The following RYR3 variants were observed in gnomAD, a reference collection of about 807,000 sequenced individuals.
RYR3 encodes brain ryanodine receptor-calcium release channel.
RYR3 carries 207 observed loss-of-function variants against 584.3 expected under a neutral mutation model. The ratio of observed to expected loss-of-function variants is 0.35; its 90% CI spans 0.32 to 0.40. RYR3 has a LOEUF of 0.40. RYR3 is among the 10% of genes least tolerant of loss of function. The pLI, the probability that RYR3 is intolerant of heterozygous loss-of-function variation, is 1.00. For synonymous variants in RYR3, 2,416 were observed against 2,248.5 expected (o/e 1.07, Z -2.11); for missense variants, 5,616 against 6,089.2 (o/e 0.92, Z 2.59).
At chr15:33,848,679 T>C (rs1173909923) in intron 94 of RYR3, among the ~76,000 whole-genome samples, 1 of 152,150 alleles carries the variant, frequency 6.6e-6, no homozygotes, top group Non-Finnish European at 1.5e-5. Flanking sequence ...CAGTACAATA[T>C]TGCTTAAACT....
chr15:33,736,262 A>G lies in RYR3; in HGVS notation c.7452A>G (p.Gln2484=). 6.2e-7 allele frequency: 1 copy of G among 1,613,110 alleles called. No homozygotes were observed. ...ACTTGAGGCCTTCCATGTTACAGCA[A>G]CTCCTGCGACGCCTCGTTTTTGATG... ...CNHLRPSMLQ[Q]LLRRLVFDVP... The change falls in exon 49 of 104, where the codon CAA becomes CAG. Residue 2484 remains glutamine, a synonymous_variant. Coordinates refer to ENST00000634891, the MANE Select transcript of RYR3 (RefSeq NM_001036.6).
chr15:33,861,198 AAAAGTAAT>A lies in RYR3; in HGVS notation c.14465+21_14465+28del. The A allele has an allele frequency of 6.5e-7, 1 of 1,537,948 alleles. No homozygotes were observed. Among genetic ancestry groups the A allele is most frequent in the Non-Finnish European group, 8.9e-7 (1 of 1,126,722 alleles). ...CTACTTGTGAGTATTCTTGGTTAAC[AAAAGTAAT>A]GGCAGCTGTAGCGTAAATAAAGCCA... On this transcript the variant is annotated intron_variant, in intron 102 of 103. Transcript: ENST00000634891.
chr15:33,604,597 A>G (rs2152557728), intron 18 of RYR3, among the ~76,000 whole-genome samples: 1 of 152,334 alleles, frequency 6.6e-6, no homozygotes, highest in Non-Finnish European at 1.5e-5. Context: ...GTCCCAGAGG[A>G]CAATGTGGTC....
chr15:33,489,824 T>C (rs905701183), intron 2 of RYR3, among the ~76,000 whole-genome samples: 3 of 152,220 alleles, frequency 2.0e-5, no homozygotes, highest in Non-Finnish European at 4.4e-5. Flanking sequence ...ACCAACGGTG[T>C]GTAAGTATTC....
At chr15:33,571,299 A>G (rs913669884) in intron 12 of RYR3, among the ~76,000 whole-genome samples, 4 of 152,192 alleles carry the variant, frequency 2.6e-5, no homozygotes, top group South Asian at 2.1e-4. Flanking sequence ...TTGAATGAGC[A>G]TTAGATTTTT....
chr15:33,553,680 G>A (rs2056854670), intron 10 of RYR3, among the ~76,000 whole-genome samples: 1 of 152,180 alleles, frequency 6.6e-6, no homozygotes, highest in South Asian at 2.1e-4. Flanking sequence ...TGGAGAGCTA[G>A]GATGTAGTAT....
chr15:33,334,130 C>G (rs1970682034), intron 1 of RYR3, among the ~76,000 whole-genome samples: 1 of 152,154 alleles, frequency 6.6e-6, no homozygotes, highest in South Asian at 2.1e-4. Flanking sequence ...AGATTAAATG[C>G]TAGCCTCATT....
At chr15:33,751,579 G>T (rs1383795878) in intron 57 of RYR3, among the ~76,000 whole-genome samples, 2 of 147,794 alleles carry the variant, frequency 1.4e-5, no homozygotes, top group Non-Finnish European at 3.0e-5. Flanking sequence ...TTTTGATGAG[G>T]TTTTTTTTTT....
chr15:33,410,363 A>AC (rs1407432311), intron 1 of RYR3, among the ~76,000 whole-genome samples: 1 of 152,230 alleles, frequency 6.6e-6, no homozygotes, highest in Admixed American at 6.5e-5. Context: ...TTGAATTGGA[A>AC]TGAACAGGCA....
intron 48 of RYR3, among the ~76,000 whole-genome samples, chr15:33,735,864 C>T (rs977917800): frequency 8.5e-5 from 13 of 152,286 alleles, no homozygotes; most frequent in African/African-American, 3.1e-4. Context: ...CTGCTCAACG[C>T]CAGTTTCTCC....
chr15:33,368,803 G>T (rs776540267), intron 1 of RYR3, among the ~76,000 whole-genome samples: 2 of 152,120 alleles, frequency 1.3e-5, no homozygotes, highest in Non-Finnish European at 2.9e-5. Flanking sequence ...GTGGGCTCTA[G>T]TGTCTCGAGA....
At chr15:33,494,320 C>T (rs2051232363) in intron 2 of RYR3, among the ~76,000 whole-genome samples, 1 of 152,176 alleles carries the variant, frequency 6.6e-6, no homozygotes, top group South Asian at 2.1e-4. Flanking sequence ...ATAACCTTCT[C>T]CAATTTCCTT....
chr15:33,778,370 C>A (rs1198157732), intron 64 of RYR3, among the ~76,000 whole-genome samples: 1 of 152,184 alleles, frequency 6.6e-6, no homozygotes, highest in African/African-American at 2.4e-5. Flanking sequence ...CCTCATTGGC[C>A]ACTGTGGTAA....
At position 33,669,380 on chromosome 15, in the gene RYR3, G is replaced by A; in HGVS notation, c.5646G>A (p.Leu1882=). The A allele has an allele frequency of 1.2e-6, 2 of 1,613,928 alleles. No homozygotes were observed. The highest frequency in any genetic ancestry group is 2.2e-5 in the South Asian group (2 of 91,066). Residue 1882 remains leucine (L), a synonymous_variant, in exon 37 of 104, where the codon CTG becomes CTA. Coordinates refer to ENST00000634891, the MANE Select transcript of RYR3 (RefSeq NM_001036.6). ...TCAACATGCTGCTTAACTTTCAACT[G>A]GGAGAGAACTGCCCCTGCCCAGAGG... ...EQINMLLNFQ[L]GENCPCPEEI...
At chr15:33,689,389 T>G (rs2152753320) in intron 38 of RYR3, among the ~76,000 whole-genome samples, 1 of 152,136 alleles carries the variant, frequency 6.6e-6, no homozygotes, top group Admixed American at 6.5e-5. Flanking sequence ...CTACCAAAAT[T>G]GTCAGCATTC....
At chr15:33,607,687 G>T (rs1430551879) in intron 18 of RYR3, among the ~76,000 whole-genome samples, 1 of 152,046 alleles carries the variant, frequency 6.6e-6, no homozygotes, top group East Asian at 1.9e-4. Flanking sequence ...TTTGGATTCA[G>T]CCCTCAATGC....
chr15:33,681,342 T>TA (rs1437475254), intron 38 of RYR3, among the ~76,000 whole-genome samples: 1 of 152,214 alleles, frequency 6.6e-6, no homozygotes, highest in African/African-American at 2.4e-5. Context: ...ATTTACCTCT[T>TA]ACGGTTCTGG....
At chr15:33,631,794 C>T (rs997830798) in intron 23 of RYR3, among the ~76,000 whole-genome samples, 5 of 152,236 alleles carry the variant, frequency 3.3e-5, no homozygotes, top group Non-Finnish European at 7.3e-5. Context: ...GCTTGCTCAG[C>T]GGCACATCCA....
chr15:33,433,639 T>C (rs1372102365), intron 1 of RYR3, among the ~76,000 whole-genome samples: 1 of 152,172 alleles, frequency 6.6e-6, no homozygotes, highest in Non-Finnish European at 1.5e-5. Context: ...AAGTAACAAG[T>C]TTCACATGAT....
Sources: allele counts gnomAD v4.1 joint callset (sites outside exome capture counted in the v4.1 genomes callset), GRCh38; gene constraint gnomAD v4.1.1; transcripts MANE v1.5; gene names NCBI Gene and HGNC (gene_info 2026-07-23, HGNC 2026-07-21).